KYAT1: variants seen among roughly 807,000 people sequenced by gnomAD.
The protein encoded by KYAT1 is kynurenine--oxoglutarate transaminase 1.
A neutral mutation model predicts 52.4 loss-of-function variants in KYAT1; 47 were observed. That is an observed-to-expected ratio of 0.90 (90% CI 0.71 to 1.14). The LOEUF is 1.14. KYAT1 is among the 50% of genes most tolerant of loss of function. The pLI is 0.00. For missense variants in KYAT1, 480 were observed against 557.9 expected, an observed-to-expected ratio of 0.86 and a Z score of 1.41; for synonymous variants, 212 against 209.6, an observed-to-expected ratio of 1.01 and a Z score of -0.10.
At chr9:128,864,199 A>G (rs1835858333) in intron 1 of KYAT1, among the ~76,000 whole-genome samples, 1 of 151,768 alleles carries the variant, frequency 6.6e-6, no homozygotes, top group Non-Finnish European at 1.5e-5. Flanking sequence ...CGTCTCTACT[A>G]AAAATACGAA....
intron 1 of KYAT1, among the ~76,000 whole-genome samples, chr9:128,858,204 C>T (rs192199641): frequency 3.3e-5 from 5 of 151,418 alleles, no homozygotes; most frequent in Admixed American, 1.3e-4. Context: ...TGAGACCAGC[C>T]TGGCCAACAC....
rs1271037900 is a variant in KYAT1, at chr9:128,836,728, GCGC to G, written c.688+71_688+73del. On this transcript the variant is annotated intron_variant, in intron 7 of 12. Transcript: ENST00000302586. ...ACCCTGGGTTCTAACTACCAGGCCT[GCGC>G]TGACTCTCAGGTGGGGTCAAGGCCC... 58 of 1,552,594 alleles carry G rather than the reference GCGC, an allele frequency of 3.7e-5. No homozygotes were observed. In the Middle Eastern group the frequency reaches 6.9e-4, roughly 19 times the overall value.
intron 1 of KYAT1, among the ~76,000 whole-genome samples, chr9:128,868,444 G>C (rs1340857763): frequency 6.6e-6 from 1 of 152,104 alleles, no homozygotes; most frequent in African/African-American, 2.4e-5. Flanking sequence ...CTGGAGAACA[G>C]TGGTGTGTGC....
chr9:128,872,497 G>C (rs1392450090), intron 1 of KYAT1, among the ~76,000 whole-genome samples: 1 of 151,628 alleles, frequency 6.6e-6, no homozygotes, highest in African/African-American at 2.4e-5. Flanking sequence ...GCCAGGCGCA[G>C]TGGCTCATGC....
At chr9:128,880,957 A>T (rs185477782) in intron 1 of KYAT1, among the ~76,000 whole-genome samples, 58 of 152,276 alleles carry the variant, frequency 3.8e-4, no homozygotes, top group African/African-American at 1.3e-3. Flanking sequence ...CAAGACCCCA[A>T]TTCTGTCGGA....
chr9:128,863,939 G>A (rs955091937), intron 1 of KYAT1, among the ~76,000 whole-genome samples: 10 of 152,074 alleles, frequency 6.6e-5, no homozygotes, highest in African/African-American at 2.4e-4. Flanking sequence ...AATGCCCTGC[G>A]CCTCACCCCT....
chr9:128,863,376 T>C (rs1286450283), intron 1 of KYAT1, among the ~76,000 whole-genome samples: 1 of 151,880 alleles, frequency 6.6e-6, no homozygotes. Flanking sequence ...CTCACACCTG[T>C]AATCCCAGCA....
At chr9:128,836,656 C>T in intron 7 of KYAT1, 146 bp downstream of exon 7, 1 of 887,938 alleles carries the variant, frequency 1.1e-6, no homozygotes, top group Non-Finnish European at 1.7e-6. Context: ...TACTGTGACA[C>T]TGTGTACTCT....
chr9:128,876,388 C>T (rs1311369212), intron 1 of KYAT1, among the ~76,000 whole-genome samples: 1 of 150,662 alleles, frequency 6.6e-6, no homozygotes, highest in Non-Finnish European at 1.5e-5. Flanking sequence ...CATGAGACAC[C>T]ACACCCAGTC....
chr9:128,842,038 T>C, intron 3 of KYAT1: 1 of 208,180 alleles, frequency 4.8e-6, no homozygotes, highest in Non-Finnish European at 9.9e-6. Context: ...AATATATAAA[T>C]AAAATTAGCT....
chr9:128,869,327 A>C (rs1836895503), intron 1 of KYAT1, among the ~76,000 whole-genome samples: 1 of 149,766 alleles, frequency 6.7e-6, no homozygotes, highest in Non-Finnish European at 1.5e-5. Flanking sequence ...ACGCCCGGCT[A>C]ATTTTTTGTA....
intron 3 of KYAT1, 105 bp downstream of exon 3, chr9:128,842,549 C>T (rs1832378536): frequency 8.7e-7 from 1 of 1,145,892 alleles, no homozygotes; most frequent in South Asian, 1.5e-5. Flanking sequence ...CATACAGAAT[C>T]CCCTGGCTCT....
At chr9:128,840,945 A>G (rs552821194) in intron 3 of KYAT1, among the ~76,000 whole-genome samples, 1 of 152,384 alleles carries the variant, frequency 6.6e-6, no homozygotes, top group South Asian at 2.1e-4. Context: ...ATATGTATAC[A>G]AAGATGTCCA....
chr9:128,836,297 T>A (rs1005174838), intron 7 of KYAT1, among the ~76,000 whole-genome samples: 3 of 127,294 alleles, frequency 2.4e-5, no homozygotes, highest in African/African-American at 7.8e-5. Context: ...CCCATTTCTT[T>A]CTTTGTTTTT....
chr9:128,843,298 G>A (rs1432094305), intron 2 of KYAT1, among the ~76,000 whole-genome samples: 1 of 152,170 alleles, frequency 6.6e-6, no homozygotes, highest in Non-Finnish European at 1.5e-5. Flanking sequence ...ATTGAGATTA[G>A]GTCAGTCAGG....
chr9:128,875,581 C>G (rs1837894527), intron 1 of KYAT1, among the ~76,000 whole-genome samples: 1 of 151,738 alleles, frequency 6.6e-6, no homozygotes, highest in Non-Finnish European at 1.5e-5. Context: ...CCACTGCACT[C>G]CAGCCTGACA....
intron 3 of KYAT1, chr9:128,840,763 T>C: frequency 2.7e-6 from 1 of 367,386 alleles, no homozygotes; most frequent in Non-Finnish European, 5.4e-6. Context: ...TCTCACTATG[T>C]TGCACTGGCC....
At chr9:128,834,653 G>A (rs1431078499) in intron 11 of KYAT1, among the ~76,000 whole-genome samples, 3 of 151,356 alleles carry the variant, frequency 2.0e-5, no homozygotes, top group Admixed American at 1.3e-4. Flanking sequence ...GTGAAACCCC[G>A]TCTCTACTAA....
intron 1 of KYAT1, among the ~76,000 whole-genome samples, chr9:128,860,721 C>T (rs993101080): frequency 1.3e-5 from 2 of 152,150 alleles, no homozygotes; most frequent in Non-Finnish European, 2.9e-5. Flanking sequence ...TTCCACCATG[C>T]CTGGCTAATT....
Sources: allele counts gnomAD v4.1 joint callset (sites outside exome capture counted in the v4.1 genomes callset), GRCh38; gene constraint gnomAD v4.1.1; transcripts MANE v1.5; gene names NCBI Gene and HGNC (gene_info 2026-07-23, HGNC 2026-07-21).